Variants in ZSCAN30 observed in about 807,000 individuals in gnomAD.
ZSCAN30 encodes the protein zinc finger and SCAN domain-containing protein 30.
A neutral mutation model predicts 44.3 loss-of-function variants in ZSCAN30; 37 were observed. The ratio of observed to expected loss-of-function variants is 0.84; its 90% confidence interval spans 0.64 to 1.10. The LOEUF (loss-of-function observed/expected upper bound fraction) is 1.10. Ranked by LOEUF, ZSCAN30 falls within the 50% of genes least tolerant of loss-of-function variation. ZSCAN30 has a pLI of 0.00. For synonymous variants in ZSCAN30, 181 were observed against 204.6 expected (o/e 0.88, Z 0.98); for missense variants, 549 against 582.6 (o/e 0.94, Z 0.59).
intron 1 of ZSCAN30, chr18:35,270,232 G>A (rs1334119267): frequency 1.4e-5 from 2 of 143,562 alleles, no homozygotes; most frequent in Non-Finnish European, 3.0e-5. Context: ...AAATGAATGC[G>A]AAAGTATATG....
rs567315858 is a variant in ZSCAN30 at position 35,251,252 on chromosome 18, T to C, written c.*2198A>G. ...ATGTTAACAACGTTTCTATGGGCAT[T>C]GGGATTGGGGGTGGTTTATACTTTC... On this transcript the variant is annotated 3_prime_UTR_variant, in exon 4 of 4. Coordinates refer to ENST00000333206, the MANE Select transcript of ZSCAN30 (RefSeq NM_001112734.4). The C allele has an allele frequency of 1.3e-5, 2 of 152,188 alleles. No individual in the cohort carries two copies. The highest frequency in any genetic ancestry group is 4.8e-5 in the African/African-American group (2 of 41,438). 9.4% of individuals were successfully genotyped at this position (152,188 alleles called of 1,614,324 possible). A position where few individuals can be genotyped will look rare whatever the true frequency, so the allele number is the denominator to read the frequency against.
Position 35,290,222 on chromosome 18 carries a change from CG to C in ZSCAN30, c.-243del. 6.6e-6 allele frequency: 1 copy of C among 152,502 alleles called. No individual in the cohort carries two copies. Among genetic ancestry groups the C allele is most frequent in the Non-Finnish European group, 1.5e-5 (1 of 68,200 alleles). 9.4% of individuals were successfully genotyped at this position (152,502 alleles called of 1,614,324 possible). On this transcript the variant is annotated 5_prime_UTR_variant, in exon 1 of 4. Transcript: ENST00000333206. ...CTGCTAGGGACAGCTCGCGGCGGTT[CG>C]GGGGTTAATTCTCGGCAGCCCTCCG...
At chr18:35,267,895 C>A (rs979940285) in intron 1 of ZSCAN30, 1 of 151,888 alleles carries the variant, frequency 6.6e-6, no homozygotes. Flanking sequence ...GTGCTGACTG[C>A]GAAGACGACA....
At chr18:35,263,244 AAAAAAAAAAAAAG>A in intron 3 of ZSCAN30, 1 of 253,222 alleles carries the variant, frequency 3.9e-6, no homozygotes, top group Non-Finnish European at 7.5e-6. Context: ...ACCCCATCTA[AAAAAAAAAAAAAG>A]AAAAAAGAAA....
At chr18:35,273,265 T>TA (rs780843307) in intron 1 of ZSCAN30, among the ~76,000 whole-genome samples, 90 of 152,352 alleles carry the variant, frequency 5.9e-4, no homozygotes, top group Non-Finnish European at 9.3e-4. Flanking sequence ...TGACTACCCT[T>TA]AAGTACCTCA....
chr18:35,253,905 G>A lies in ZSCAN30; in HGVS notation c.1030C>T (p.Leu344Phe), dbSNP rs752734701. The change falls in exon 4 of 4, where the codon CTT becomes TTT. Residue 344 changes from leucine (L) to phenylalanine (F), a missense_variant. Leu to Phe is a conservative substitution (Grantham distance 22). Coordinates refer to ENST00000333206, the MANE Select transcript of ZSCAN30 (RefSeq NM_001112734.4). ...CGKAFSLSSD[L>F]VRHQRIHSGE... ...CTATGAATTCTCTGATGTCTAACAA[G>A]GTCTGAGCTCAAACTGAAGGCTTTG... 5.0e-6 allele frequency: 8 copies of A among 1,614,112 alleles called. No individual in the cohort carries two copies. The highest frequency in any genetic ancestry group is 6.8e-6 in the Non-Finnish European group (8 of 1,180,004).
Position 35,252,263 on chromosome 18 carries a change from G to A in ZSCAN30, c.*1187C>T, listed in dbSNP as rs1300225262. The A allele has an allele frequency of 6.6e-6, 1 of 152,184 alleles. No individual in the cohort carries two copies. The highest frequency in any genetic ancestry group is 1.5e-5 in the Non-Finnish European group (1 of 68,058). The allele number at this position is 152,184 out of a possible 1,614,324, so 9.4% of individuals were successfully genotyped here. Reference sequence around the variant, plus strand: ...GAGACTGGTGCATTTTATGGGAAAAGGCATGTATATACACAGGGAAAGAAT... The same window carrying A: ...GAGACTGGTGCATTTTATGGGAAAAAGCATGTATATACACAGGGAAAGAAT... On this transcript the variant is annotated 3_prime_UTR_variant, in exon 4 of 4. Transcript: ENST00000333206.
chr18:35,255,964 A>G (rs1378425520), intron 3 of ZSCAN30, among the ~76,000 whole-genome samples: 2 of 152,256 alleles, frequency 1.3e-5, no homozygotes, highest in African/African-American at 4.8e-5. Flanking sequence ...GAAAGTAATA[A>G]ATAGGTCAAA....
intron 1 of ZSCAN30, chr18:35,270,267 A>G (rs2044244472): frequency 2.2e-5 from 3 of 138,766 alleles, no homozygotes; most frequent in South Asian, 4.6e-4. Context: ...TATCTTTGCA[A>G]TAATAGATAA....
chr18:35,260,741 G>C (rs1014402572), intron 3 of ZSCAN30: 3 of 152,002 alleles, frequency 2.0e-5, no homozygotes, highest in African/African-American at 7.3e-5. Context: ...GTTTCTTGTA[G>C]ATCCTGGATA....
At chr18:35,278,653 G>A (rs571437171) in intron 1 of ZSCAN30, among the ~76,000 whole-genome samples, 2 of 152,272 alleles carry the variant, frequency 1.3e-5, no homozygotes, top group East Asian at 3.9e-4. Flanking sequence ...ATCATCAAAT[G>A]ATTTTTGCTT....
At position 35,251,062 on chromosome 18, in the gene ZSCAN30, T is replaced by C. The variant is rs934202861; in HGVS notation, c.*2388A>G. ...CTGAATGAATAATTTCAAAGCAAACTTTTAAAACTCAAGTTTTATTGCAAT... is the reference window on the plus strand; with the variant it reads ...CTGAATGAATAATTTCAAAGCAAACCTTTAAAACTCAAGTTTTATTGCAAT... On this transcript the variant is annotated 3_prime_UTR_variant, in exon 4 of 4. Coordinates refer to ENST00000333206, the MANE Select transcript of ZSCAN30 (RefSeq NM_001112734.4). 1.3e-5 allele frequency: 2 copies of C among 152,240 alleles called. No individual in the cohort carries two copies. Among genetic ancestry groups the C allele is most frequent in the African/African-American group, 4.8e-5 (2 of 41,466 alleles). The allele number at this position is 152,240 out of a possible 1,614,324, so 9.4% of individuals were successfully genotyped here. A position where few individuals can be genotyped will look rare whatever the true frequency, so the allele number is the denominator to read the frequency against.
rs763922297 is a variant in ZSCAN30 at position 35,253,692 on chromosome 18, A to C, written c.1243T>G (p.Cys415Gly). 1 of 1,614,144 alleles carries C rather than the reference A, an allele frequency of 6.2e-7. No individual in the cohort carries two copies. The highest frequency in any genetic ancestry group is 8.5e-7 in the Non-Finnish European group (1 of 1,180,026). ...CCAAAAGCCTTACCACATGCAATAC[A>C]TTCATAGCTTTTATCTCCAGTGTGA... ...KIHTGDKSYE[C>G]IACGKAFGRS... Residue 415 changes from cysteine to glycine, a missense_variant, in exon 4 of 4, where the codon TGT (cysteine) becomes GGT (glycine). Coordinates refer to ENST00000333206, the MANE Select transcript of ZSCAN30 (RefSeq NM_001112734.4).
chr18:35,260,009 GC>G (rs2043987874), intron 3 of ZSCAN30: 1 of 152,190 alleles, frequency 6.6e-6, no homozygotes, highest in Non-Finnish European at 1.5e-5. Flanking sequence ...TTATCCTGAT[GC>G]TTTCTCTCCC....
In ZSCAN30 at chr18:35,264,080, C is replaced by A. The variant is rs767723027; in HGVS notation, c.273G>T (p.Leu91=). 3.1e-6 allele frequency: 5 copies of A among 1,614,126 alleles called. No homozygotes were observed. The South Asian group carries it at 4.4e-5, about 14-fold the overall frequency. ...VHSKEQILEL[L]MLEQFLAILP... ...GGATGGCCAGGAACTGCTCCAACATCAGCAGCTCCAGGATCTGCTCCTTGG... is the reference window on the plus strand; with the variant it reads ...GGATGGCCAGGAACTGCTCCAACATAAGCAGCTCCAGGATCTGCTCCTTGG... Residue 91 remains leucine, a synonymous_variant, in exon 2 of 4, where the codon CTG becomes CTT. Transcript: ENST00000333206.
intron 3 of ZSCAN30, chr18:35,262,734 C>T (rs1442205637): frequency 1.3e-5 from 2 of 152,372 alleles, no homozygotes; most frequent in African/African-American, 4.8e-5. Context: ...TCTGCCAGCT[C>T]AGCACTGCAG....
chr18:35,253,796 G>C lies in ZSCAN30; in HGVS notation c.1139C>G (p.Thr380Ser), dbSNP rs139527278. ...TCCACATTCATAAGGCTTCTCTCCA[G>C]TGTGGATTCTCCGATGCCTGATGAG... ...SELIRHRRIH[T>S]GEKPYECGEC... The change falls in exon 4 of 4, where the codon ACT (threonine) becomes AGT (serine). Residue 380 changes from threonine to serine, a missense_variant. Physicochemically the swap from Thr to Ser is moderately conservative, Grantham distance 58 (BLOSUM62 1). Transcript: ENST00000333206. 561 of 1,614,196 alleles carry C rather than the reference G, an allele frequency of 3.5e-4. No homozygotes were observed. In the African/African-American group the frequency reaches 6.6e-3, roughly 19 times the overall value.
chr18:35,264,348 G>T lies in ZSCAN30; in HGVS notation c.5C>A (p.Ser2Ter), dbSNP rs775916209. Residue 2 changes from serine to a stop codon, truncating the protein, a stop_gained, in exon 2 of 4, where the codon TCA (serine) becomes TAA (stop). Transcript: ENST00000333206. LOFTEE classifies it high-confidence loss of function. M[S>*]GEATVLAYHA... is the part of the protein sequence containing the mutation. ...GTAGGCCAAGACTGTGGCCTCTCCT[G>T]ACATTCTGGGCAGAGACAGTCTGAA... 1 of 1,612,100 alleles carries T rather than the reference G, an allele frequency of 6.2e-7. No homozygotes were observed. The highest frequency in any genetic ancestry group is 1.1e-5 in the South Asian group (1 of 90,970).
chr18:35,277,873 G>C (rs1479831713), intron 1 of ZSCAN30, among the ~76,000 whole-genome samples: 1 of 152,058 alleles, frequency 6.6e-6, no homozygotes, highest in Admixed American at 6.6e-5. Flanking sequence ...CTGCTGTTCT[G>C]TTGCTGTTGT....
Sources: allele counts gnomAD v4.1 joint callset (sites outside exome capture counted in the v4.1 genomes callset), GRCh38; gene constraint gnomAD v4.1.1; transcripts MANE v1.5; gene names NCBI Gene and HGNC (gene_info 2026-07-23, HGNC 2026-07-21).